The following DOC2A variants were observed in gnomAD, a reference collection of about 807,000 sequenced individuals.
DOC2A encodes the protein double C2-like domain-containing protein alpha.
A neutral mutation model predicts 40.6 loss-of-function variants in DOC2A; 28 were observed. The observed-to-expected ratio is 0.69, with a 90% CI of 0.51 to 0.95. The LOEUF is 0.95. Ranked by LOEUF, DOC2A falls within the 40% of genes least tolerant of loss-of-function variation. DOC2A has a pLI of 0.00. For synonymous variants in DOC2A, 241 were observed against 236.9 expected (o/e 1.02, Z -0.16); for missense variants, 474 against 552.5 (o/e 0.86, Z 1.42).
Position 30,006,867 on chromosome 16 carries a change from G to C in DOC2A, c.796C>G (p.Arg266Gly), listed in dbSNP as rs370463371. 3.1e-6 allele frequency: 5 copies of C among 1,613,546 alleles called. No individual in the cohort carries two copies. In the African/African-American group the frequency reaches 4.0e-5, roughly 13 times the overall value. Residue 266 changes from arginine (R) to glycine (G), a missense_variant, in exon 8 of 11, where the codon CGG (arginine) becomes GGG (glycine). By Grantham distance (125) the Arg-to-Gly change is moderately radical (BLOSUM62 -2). Coordinates refer to ENST00000350119, the MANE Select transcript of DOC2A (RefSeq NM_003586.3). The surrounding 1 kb of genome is among the most constrained non-coding windows in gnomAD (Gnocchi z 6.2). The stretch of plus-strand genomic sequence containing the variant: ...CGCAAGATGCCTACCAGCAGTCCCC[G>C]GCGCCGCGAGCTGTAGCTGAGACTC... ...LLSLSYSSRR[R>G]GLLVGILRCA...
At chr16:30,011,896 G>C (rs1023287276), upstream of DOC2A, among the ~76,000 whole-genome samples, 2 of 152,120 alleles carry the variant, frequency 1.3e-5, no homozygotes, top group African/African-American at 4.8e-5. Context: ...CAGGTGGGAA[G>C]GGGCGTCGGG....
At chr16:30,013,158 C>CAA (rs1171077200), upstream of DOC2A, among the ~76,000 whole-genome samples, 4,246 of 39,222 alleles carry the variant, frequency 0.11, 823 homozygotes, top group African/African-American at 0.22. Flanking sequence ...CCTGTCTCTA[C>CAA]AAAAAAAAAA....
chr16:30,008,426 G>A (rs1337168776), intron 5 of DOC2A: 2 of 160,464 alleles, frequency 1.2e-5, no homozygotes, highest in Non-Finnish European at 2.8e-5. Flanking sequence ...GAGCTTTCCA[G>A]ATAGAAAACA....
chr16:30,016,640 G>C (rs1281248268), upstream of DOC2A, among the ~76,000 whole-genome samples: 1 of 152,216 alleles, frequency 6.6e-6, no homozygotes, highest in Non-Finnish European at 1.5e-5. Context: ...TGGAGTTCAA[G>C]CCAATTTCAG....
In DOC2A at chr16:30,005,779, G is replaced by C. The variant is rs1324724244; in HGVS notation, c.*407C>G. 5 of 471,650 alleles carry C rather than the reference G, an allele frequency of 1.1e-5. No individual in the cohort carries two copies. The East Asian group carries it at 2.1e-4, about 19-fold the overall frequency. 29.2% of individuals were successfully genotyped at this position (471,650 alleles called of 1,614,324 possible). On this transcript the variant is annotated 3_prime_UTR_variant, in exon 11 of 11. Transcript: ENST00000350119. ...TTTCAATGAAGTTTCTGTATTAAAG[G>C]AGTGGCTCTGGGTTTGTTTTTTGTC...
At chr16:30,016,126 C>CT (rs2070855483), upstream of DOC2A, among the ~76,000 whole-genome samples, 1 of 134,410 alleles carries the variant, frequency 7.4e-6, no homozygotes, top group Non-Finnish European at 1.5e-5. Context: ...GTGGCACGAT[C>CT]TTGGCTCACT....
chr16:30,010,191 A>G lies in DOC2A; in HGVS notation c.32T>C (p.Ile11Thr), dbSNP rs777748448. 6.8e-6 allele frequency: 11 copies of G among 1,613,962 alleles called. 1 individual carries two copies. The South Asian group carries it at 9.9e-5, about 14-fold the overall frequency. The change falls in exon 2 of 11, where the codon ATC becomes ACC. Residue 11 changes from isoleucine to threonine, a missense_variant. By Grantham distance (89) the Ile-to-Thr change is moderately conservative. Coordinates refer to ENST00000350119, the MANE Select transcript of DOC2A (RefSeq NM_003586.3). The surrounding 1 kb of genome is among the most constrained non-coding windows in gnomAD (Gnocchi z 4.2). ...GATGGCCATGTGCTCCTGGATGTTG[A>G]TGGTCATGCGATCGCCCCTGCGGCC... MRGRRGDRMT[I>T]NIQEHMAINV...
upstream of DOC2A, among the ~76,000 whole-genome samples, chr16:30,014,172 C>CTTTT (rs772684029): frequency 0.16 from 21,008 of 131,584 alleles, 2,819 homozygotes; most frequent in African/African-American, 0.39. Flanking sequence ...TTAGAATCAT[C>CTTTT]TTTTTTTTTT....
intron 1 of DOC2A, among the ~76,000 whole-genome samples, chr16:30,020,004 G>A (rs1420067723): frequency 6.6e-6 from 1 of 152,224 alleles, no homozygotes; most frequent in Non-Finnish European, 1.5e-5. Context: ...TGCCTCTTGT[G>A]TTCAAGCAGT....
Position 30,006,978 on chromosome 16 carries a change from G to A in DOC2A, c.715-30C>T. The A allele has an allele frequency of 1.2e-6, 2 of 1,613,776 alleles. No individual in the cohort carries two copies. Among genetic ancestry groups the A allele is most frequent in the Non-Finnish European group, 1.7e-6 (2 of 1,179,838 alleles). On this transcript the variant is annotated intron_variant, in intron 7 of 10. Coordinates refer to ENST00000350119, the MANE Select transcript of DOC2A (RefSeq NM_003586.3). The surrounding 1 kb of genome is among the most constrained non-coding windows in gnomAD (Gnocchi z 6.2). ...GGGGCACAGACTCAGGGTCAGCCTGGGCCCCTGCAGCCTCCCACCCACATG... is the reference window on the plus strand; with the variant it reads ...GGGGCACAGACTCAGGGTCAGCCTGAGCCCCTGCAGCCTCCCACCCACATG...
Position 30,006,532 on chromosome 16 carries a change from G to T in DOC2A, c.961-23C>A, listed in dbSNP as rs371385172. The T allele has an allele frequency of 2.5e-5, 41 of 1,613,246 alleles. No homozygotes were observed. Among genetic ancestry groups the T allele is most frequent in the Non-Finnish European group, 3.2e-5 (38 of 1,179,588 alleles). On this transcript the variant is annotated intron_variant, in intron 9 of 10. Coordinates refer to ENST00000350119, the MANE Select transcript of DOC2A (RefSeq NM_003586.3). The surrounding 1 kb of genome is among the most constrained non-coding windows in gnomAD (Gnocchi z 6.2). Reference sequence around the variant, plus strand: ...CTCCTAGGGACAAGGCCGGCCACCCGTTCGTGAGCCAGCTCCCCAGCCCCT... The same window carrying T: ...CTCCTAGGGACAAGGCCGGCCACCCTTTCGTGAGCCAGCTCCCCAGCCCCT...
intron 1 of DOC2A, among the ~76,000 whole-genome samples, chr16:30,018,127 A>C (rs1177593244): frequency 6.7e-6 from 1 of 148,536 alleles, no homozygotes; most frequent in Non-Finnish European, 1.5e-5. Context: ...AAAAAAAAAA[A>C]AACTTAGCTG....
Position 30,007,168 on chromosome 16 carries a change from C to G in DOC2A, c.654+5G>C, listed in dbSNP as rs1329095114. 6.2e-7 allele frequency: 1 copy of G among 1,614,002 alleles called. No individual in the cohort carries two copies. Among genetic ancestry groups the G allele is most frequent in the Non-Finnish European group, 8.5e-7 (1 of 1,180,008 alleles). ...CCCTGGCGCCCCTGCAGCCCCCACA[C>G]AGACCGGGACCTGGCGCTCGAGGCA... On this transcript the variant is annotated splice_donor_5th_base_variant and intron_variant, in intron 6 of 10. Transcript: ENST00000350119.
At chr16:30,011,069 G>T (rs1033999747), upstream of DOC2A, 5 of 980,764 alleles carry the variant, frequency 5.1e-6, no homozygotes, top group Non-Finnish European at 6.1e-6. Flanking sequence ...GGATGCAGCC[G>T]GCGCGGCGGC....
At position 30,007,286 on chromosome 16, in the gene DOC2A, C is replaced by G. The variant is rs139432976; in HGVS notation, c.541G>C (p.Asp181His). 1 of 1,613,894 alleles carries G rather than the reference C, an allele frequency of 6.2e-7. No individual in the cohort carries two copies. Among genetic ancestry groups the G allele is most frequent in the Non-Finnish European group, 8.5e-7 (1 of 1,180,022 alleles). The change falls in exon 6 of 11, where the codon GAT becomes CAT. Residue 181 changes from aspartate (D) to histidine (H), a missense_variant. Physicochemically the swap from Asp to His is moderately conservative, Grantham distance 81. Transcript: ENST00000350119. ...THKVLRIAVC[D>H]EDKLSHNEFI... ...TCATTGTGACTCAGCTTGTCCTCAT[C>G]ACAGACGGCGATCCTGGTCGGGAAC...
chr16:30,008,632 TA>T (rs765041509), intron 5 of DOC2A: 6 of 283,846 alleles, frequency 2.1e-5, no homozygotes, highest in Non-Finnish European at 4.1e-5. Context: ...GCCTCTCGAG[TA>T]GCTGGGATTT....
intron 5 of DOC2A, chr16:30,007,863 C>G (rs2150953669): frequency 5.1e-6 from 1 of 197,574 alleles, no homozygotes; most frequent in African/African-American, 2.3e-5. Flanking sequence ...CACTTCTGAG[C>G]CACCTGTGTG....
At chr16:30,007,573 G>A in intron 5 of DOC2A, 1 of 507,126 alleles carries the variant, frequency 2.0e-6, no homozygotes, top group Non-Finnish European at 3.6e-6. Context: ...TTCAGGGCCT[G>A]GGGGCAGGAG....
upstream of DOC2A, among the ~76,000 whole-genome samples, chr16:30,017,118 T>C (rs566732888): frequency 2.5e-4 from 36 of 146,046 alleles, no homozygotes; most frequent in African/African-American, 9.0e-4. Context: ...AAACCCTGTC[T>C]AAAAAAAAAA....
Sources: gnomAD v4.1 joint callset for allele counts (sites outside exome capture counted in the v4.1 genomes callset) on GRCh38, gnomAD v4.1.1 for gene constraint, Gnocchi (gnomAD v3.1) non-coding constraint, MANE v1.5 for transcripts, NCBI Gene and HGNC (gene_info 2026-07-23, HGNC 2026-07-21) for gene names.